SEPTIN9: variants seen among roughly 807,000 people sequenced by gnomAD.
SEPTIN9 encodes septin-9.
SEPTIN9 carries 13 observed loss-of-function variants against 56.6 expected under a neutral mutation model. That is an observed-to-expected ratio of 0.23 (90% CI 0.15 to 0.37). The LOEUF (loss-of-function observed/expected upper bound fraction) is 0.37. SEPTIN9 is among the 10% of genes least tolerant of loss of function. The pLI is 1.00. For synonymous variants in SEPTIN9, 332 were observed against 334.1 expected, an observed-to-expected ratio of 0.99 and a Z score of 0.07; for missense variants, 650 against 823.1, an observed-to-expected ratio of 0.79 and a Z score of 2.57.
rs564027269 is a variant in SEPTIN9, at chr17:77,369,795, C to T, written c.77-32264C>T. 1.3e-5 allele frequency among the ~76,000 whole-genome samples: 2 copies of T among 152,232 alleles called. No individual in the cohort carries two copies. Among genetic ancestry groups the T allele is most frequent in the African/African-American group, 4.8e-5 (2 of 41,474 alleles). On this transcript the variant is annotated intron_variant, in intron 2 of 11. Coordinates refer to ENST00000427177, the MANE Select transcript of SEPTIN9 (RefSeq NM_001113491.2). This position sits in a 1 kb window ranked among gnomAD's most constrained non-coding sequence, Gnocchi z 4.9. Reference sequence around the variant, plus strand: ...TTGCTTCCCTGCCAGCTGAGCCTCTCCATGGAGGCTGTGCCTGGAGGGGGG... The same window carrying T: ...TTGCTTCCCTGCCAGCTGAGCCTCTTCATGGAGGCTGTGCCTGGAGGGGGG...
chr17:77,434,545 A>G lies in SEPTIN9; in HGVS notation c.721+31842A>G, dbSNP rs2037269453. ...GTGGCAGCCAGGGTGGCAGAGTCCC[A>G]TTGGCCTGCAGGGGACCCTCTGTGG... On this transcript the variant is annotated intron_variant, in intron 3 of 11. Transcript: ENST00000427177. This position sits in a 1 kb window ranked among gnomAD's most constrained non-coding sequence, Gnocchi z 5.0. 6.6e-6 allele frequency among the ~76,000 whole-genome samples: 1 copy of G among 152,092 alleles called. No individual in the cohort carries two copies. The highest frequency in any genetic ancestry group is 2.1e-4 in the South Asian group (1 of 4,822).
chr17:77,429,156 G>A lies in SEPTIN9; in HGVS notation c.721+26453G>A. 1 of 471,990 alleles carries A rather than the reference G, an allele frequency of 2.1e-6. No homozygotes were observed. Among genetic ancestry groups the A allele is most frequent in the South Asian group, 1.5e-5 (1 of 64,616 alleles). 29.2% of individuals were successfully genotyped at this position (471,990 alleles called of 1,614,324 possible). A position where few individuals can be genotyped will look rare whatever the true frequency, so the allele number is the denominator to read the frequency against. On this transcript the variant is annotated intron_variant, in intron 3 of 11. Transcript: ENST00000427177. The surrounding 1 kb of genome is among the most constrained non-coding windows in gnomAD (Gnocchi z 5.2). ...GGGGTGGGGACTTGGGGGTGTGTCT[G>A]CAGCTCCTGAGGCCAAGACCAAGGC...
rs916000977 is a variant in SEPTIN9 at position 77,310,135 on chromosome 17, T to G, written c.76+2938T>G. Among the ~76,000 whole-genome samples the G allele has an allele frequency of 6.6e-6, 1 of 150,452 alleles. No individual in the cohort carries two copies. The highest frequency in any genetic ancestry group is 1.5e-5 in the Non-Finnish European group (1 of 67,952). The stretch of plus-strand genomic sequence containing the variant: ...CCAGGATTACAGGCACCCGCCACCA[T>G]GTCTGGCTAATTTTTTTTGTATTTT... On this transcript the variant is annotated intron_variant, in intron 2 of 11. Coordinates refer to ENST00000427177, the MANE Select transcript of SEPTIN9 (RefSeq NM_001113491.2). The surrounding 1 kb of genome is among the most constrained non-coding windows in gnomAD (Gnocchi z 4.7).
chr17:77,287,754 A>G, intron 1 of SEPTIN9: 1 of 462,640 alleles, frequency 2.2e-6, no homozygotes, highest in Non-Finnish European at 2.9e-6. Context: ...GCCTCTCGGC[A>G]GCTCTGTGAC....
In SEPTIN9 at chr17:77,389,325, A is replaced by G. The variant is rs8080181; in HGVS notation, c.77-12734A>G. ...ACCCTGTGGTGGGGACGAGGGGGCTATGAGCAGACCAGGAGCCAGCATCAC... is the reference window on the plus strand; with the variant it reads ...ACCCTGTGGTGGGGACGAGGGGGCTGTGAGCAGACCAGGAGCCAGCATCAC... On this transcript the variant is annotated intron_variant, in intron 2 of 11. Coordinates refer to ENST00000427177, the MANE Select transcript of SEPTIN9 (RefSeq NM_001113491.2). The surrounding 1 kb of genome is among the most constrained non-coding windows in gnomAD (Gnocchi z 4.3). Among the ~76,000 whole-genome samples, 2,545 of 152,130 alleles carry G rather than the reference A, an allele frequency of 0.017. 71 individuals carry two copies. Among genetic ancestry groups the G allele is most frequent in the African/African-American group, 0.059 (2,450 of 41,480 alleles).
rs925629318 is a variant in SEPTIN9 at position 77,327,364 on chromosome 17, C to T, written c.76+20167C>T. ...TCCGAACGGCCAGAGCTTCTGAAGC[C>T]GCTCGCTGTGTGCCCCCGCCTGGCC... On this transcript the variant is annotated intron_variant, in intron 2 of 11. Transcript: ENST00000427177. The surrounding 1 kb of genome is among the most constrained non-coding windows in gnomAD (Gnocchi z 5.0). Among the ~76,000 whole-genome samples, 2 of 152,178 alleles carry T rather than the reference C, an allele frequency of 1.3e-5. No individual in the cohort carries two copies. Among genetic ancestry groups the T allele is most frequent in the South Asian group, 2.1e-4 (1 of 4,832 alleles).
At chr17:77,339,743 C>G (rs1426134535) in intron 2 of SEPTIN9, among the ~76,000 whole-genome samples, 1 of 151,978 alleles carries the variant, frequency 6.6e-6, no homozygotes, top group East Asian at 1.9e-4. Context: ...CTCCTGACCT[C>G]AGGTGATCCA....
chr17:77,438,256 C>T lies in SEPTIN9; in HGVS notation c.721+35553C>T, dbSNP rs182256511. 7.9e-4 allele frequency among the ~76,000 whole-genome samples: 121 copies of T among 152,340 alleles called. No individual in the cohort carries two copies. In the East Asian group the frequency reaches 0.023, roughly 29 times the overall value. ...GACAGCCAAGAGGCTGGTTCCCCGC[C>T]GACCCCCATTTTACAGATAATGTGC... is the stretch of plus-strand genomic sequence containing the variant. On this transcript the variant is annotated intron_variant, in intron 3 of 11. Coordinates refer to ENST00000427177, the MANE Select transcript of SEPTIN9 (RefSeq NM_001113491.2).
rs145592541 is a variant in SEPTIN9 at position 77,318,731 on chromosome 17, C to T, written c.76+11534C>T. Among the ~76,000 whole-genome samples, 6 of 152,228 alleles carry T rather than the reference C, an allele frequency of 3.9e-5. No individual in the cohort carries two copies. In the East Asian group the frequency reaches 1.2e-3, roughly 29 times the overall value. Reference sequence around the variant, plus strand: ...AAGGAGATTGCATTTGGGGTCCTATCCCAGGCAGAGAGCGGACGGGACTGT... The same window carrying T: ...AAGGAGATTGCATTTGGGGTCCTATTCCAGGCAGAGAGCGGACGGGACTGT... On this transcript the variant is annotated intron_variant, in intron 2 of 11. Coordinates refer to ENST00000427177, the MANE Select transcript of SEPTIN9 (RefSeq NM_001113491.2). The surrounding 1 kb of genome is among the most constrained non-coding windows in gnomAD (Gnocchi z 4.9).
In SEPTIN9 at chr17:77,445,418, G is replaced by A; in HGVS notation, c.722-36726G>A. On this transcript the variant is annotated intron_variant, in intron 3 of 11. Coordinates refer to ENST00000427177, the MANE Select transcript of SEPTIN9 (RefSeq NM_001113491.2). The surrounding 1 kb of genome is among the most constrained non-coding windows in gnomAD (Gnocchi z 4.7). ...AGGATGGATTGGAAAAGAGTTGGCAGGAAGGCTGAGCTCTGTGCTCACAAC... is the reference window on the plus strand; with the variant it reads ...AGGATGGATTGGAAAAGAGTTGGCAAGAAGGCTGAGCTCTGTGCTCACAAC... 1 of 469,676 alleles carries A rather than the reference G, an allele frequency of 2.1e-6. No individual in the cohort carries two copies. Among genetic ancestry groups the A allele is most frequent in the Non-Finnish European group, 4.4e-6 (1 of 227,040 alleles). 29.1% of individuals were successfully genotyped at this position (469,676 alleles called of 1,614,324 possible).
chr17:77,337,929 G>A (rs148051011), intron 2 of SEPTIN9, among the ~76,000 whole-genome samples: 3 of 152,330 alleles, frequency 2.0e-5, no homozygotes, highest in African/African-American at 7.2e-5. Context: ...AGGCATGGTG[G>A]CTCATGCCTG....
intron 2 of SEPTIN9, among the ~76,000 whole-genome samples, chr17:77,364,887 C>T (rs1418852711): frequency 6.6e-6 from 1 of 152,244 alleles, no homozygotes; most frequent in African/African-American, 2.4e-5. Flanking sequence ...TGTGCAGGCC[C>T]AGGCCGCTGA....
intron 2 of SEPTIN9, among the ~76,000 whole-genome samples, chr17:77,331,625 G>A (rs960581334): frequency 1.3e-5 from 2 of 152,210 alleles, no homozygotes; most frequent in African/African-American, 2.4e-5. Flanking sequence ...AGCTCCTGCG[G>A]GGTTTGCATT....
intron 2 of SEPTIN9, among the ~76,000 whole-genome samples, chr17:77,381,562 T>C (rs2035144711): frequency 6.6e-6 from 1 of 152,248 alleles, no homozygotes; most frequent in Non-Finnish European, 1.5e-5. Flanking sequence ...TACAAGTCTT[T>C]TTGGCTCCAA....
chr17:77,376,356 C>T, intron 2 of SEPTIN9: 1 of 985,652 alleles, frequency 1.0e-6, no homozygotes, highest in Non-Finnish European at 1.2e-6. Context: ...GAGCACAGGT[C>T]TCTTTCCCGG....
At position 77,436,793 on chromosome 17, in the gene SEPTIN9, T is replaced by G. The variant is rs114475168; in HGVS notation, c.721+34090T>G. 4.1e-3 allele frequency among the ~76,000 whole-genome samples: 631 copies of G among 152,354 alleles called. 2 individuals are homozygous for G. Among genetic ancestry groups the G allele is most frequent in the African/African-American group, 0.014 (587 of 41,590 alleles). ...GGGTTCCTGCAGGGTGAGCTGCCCA[T>G]TCTGGCCCTGGTAAGGACACCCAGG... On this transcript the variant is annotated intron_variant, in intron 3 of 11. Coordinates refer to ENST00000427177, the MANE Select transcript of SEPTIN9 (RefSeq NM_001113491.2). This position sits in a 1 kb window ranked among gnomAD's most constrained non-coding sequence, Gnocchi z 4.4.
rs561939939 is a variant in SEPTIN9, at chr17:77,433,398, C to G, written c.721+30695C>G. On this transcript the variant is annotated intron_variant, in intron 3 of 11. Transcript: ENST00000427177. This position sits in a 1 kb window ranked among gnomAD's most constrained non-coding sequence, Gnocchi z 6.4. Reference sequence around the variant, plus strand: ...CAGGGTGGGGCTGGGTGCGAGGACCCCCCCCGGCCAACAGGGTCTGCTTAG... The same window carrying G: ...CAGGGTGGGGCTGGGTGCGAGGACCGCCCCCGGCCAACAGGGTCTGCTTAG... 6.6e-5 allele frequency among the ~76,000 whole-genome samples: 10 copies of G among 151,852 alleles called. No homozygotes were observed. Among genetic ancestry groups the G allele is most frequent in the East Asian group, 1.9e-4 (1 of 5,168 alleles).
chr17:77,480,221 T>C (rs2039399197), intron 3 of SEPTIN9, among the ~76,000 whole-genome samples: 2 of 152,184 alleles, frequency 1.3e-5, no homozygotes, highest in Admixed American at 6.5e-5. Context: ...TTCCATAAGA[T>C]AGGAATTCCT....
intron 2 of SEPTIN9, chr17:77,380,258 C>CCCCCCCCCCCCCCCCCGCAT (rs1309017700): frequency 5.3e-5 from 4 of 75,088 alleles, no homozygotes; most frequent in African/African-American, 1.4e-4. Flanking sequence ...CAGTGAGGCC[C>CCCCCCCCCCCCCCCCCGCAT]GCCCCCCCCC....
Sources: gnomAD v4.1 joint callset for allele counts (sites outside exome capture counted in the v4.1 genomes callset) on GRCh38, gnomAD v4.1.1 for gene constraint, Gnocchi (gnomAD v3.1) non-coding constraint, MANE v1.5 for transcripts, NCBI Gene and HGNC (gene_info 2026-07-23, HGNC 2026-07-21) for gene names.